The following CENPC variants were observed in gnomAD, a reference collection of about 807,000 sequenced individuals.
CENPC encodes the protein centromere protein C.
In CENPC, 63 loss-of-function variants were observed where a neutral mutation model predicts 112.1. The ratio of observed to expected loss-of-function variants is 0.56; its 90% CI spans 0.46 to 0.69. The LOEUF is 0.69. Among genes scored for constraint, CENPC ranks in the 30% least tolerant of loss-of-function variants. The pLI is 0.00. For missense variants in CENPC, 1,000 were observed against 1,103.8 expected (o/e 0.91, Z 1.33); for synonymous variants, 333 against 367.6 (o/e 0.91, Z 1.08).
At position 67,489,961 on chromosome 4, in the gene CENPC, A is replaced by C. The variant is rs1343320342; in HGVS notation, c.2670+6T>G. 2.0e-6 allele frequency: 3 copies of C among 1,527,108 alleles called. No individual in the cohort carries two copies. Among genetic ancestry groups the C allele is most frequent in the Non-Finnish European group, 2.6e-6 (3 of 1,141,660 alleles). The allele number at this position is 1,527,108 out of a possible 1,614,324, so 94.6% of individuals were successfully genotyped here. A position where few individuals can be genotyped will look rare whatever the true frequency, so the allele number is the denominator to read the frequency against. On this transcript the variant is annotated splice_donor_region_variant and intron_variant, in intron 17 of 18. Transcript: ENST00000273853. ...TGAAACATAAATATATAAAAAAAGTACTCACCAATATATCCTGGCCAACAT... is the reference window on the plus strand; with the variant it reads ...TGAAACATAAATATATAAAAAAAGTCCTCACCAATATATCCTGGCCAACAT...
intron 2 of CENPC, among the ~76,000 whole-genome samples, chr4:67,543,405 TCAACAA>T (rs1010720232): frequency 6.6e-6 from 1 of 152,174 alleles, no homozygotes; most frequent in Non-Finnish European, 1.5e-5. Flanking sequence ...TTTCTTAATA[TCAACAA>T]CACACAAATC....
chr4:67,491,525 A>AGAGAGAGCGAGC (rs1553893257), intron 16 of CENPC, among the ~76,000 whole-genome samples: 1 of 130,044 alleles, frequency 7.7e-6, no homozygotes, highest in East Asian at 2.1e-4. Context: ...AGAGAGAGAG[A>AGAGAGAGCGAGC]GAGCCTGGTT....
At chr4:67,515,344 T>C (rs994800803) in intron 7 of CENPC, among the ~76,000 whole-genome samples, 5 of 151,710 alleles carry the variant, frequency 3.3e-5, no homozygotes, top group African/African-American at 1.2e-4. Context: ...CGGGTGCCTG[T>C]AATCCCAGCT....
Position 67,518,233 on chromosome 4 carries a change from T to C in CENPC, c.753A>G (p.Glu251=). The part of the protein sequence containing the change: ...GSSQNRIRDS[E]YEIQRQAKKS... ...TTTTAGCTTGTCGTTGAATTTCATA[T>C]TCTGAATCTCGTATTCTATTCTGAG... The change falls in exon 7 of 19, where the codon GAA becomes GAG. Residue 251 remains glutamate, a synonymous_variant. Transcript: ENST00000273853. The C allele has an allele frequency of 6.4e-7, 1 of 1,559,446 alleles. No individual in the cohort carries two copies. The highest frequency in any genetic ancestry group is 2.3e-5 in the East Asian group (1 of 42,920).
At chr4:67,505,431 A>G in intron 11 of CENPC, 147 bp from the exon 12 acceptor site, 2 of 614,136 alleles carry the variant, frequency 3.3e-6, no homozygotes, top group Non-Finnish European at 2.9e-6. Flanking sequence ...AAAAATATAT[A>G]GTCATCCCTC....
At chr4:67,487,664 ATTC>A (rs1725129871) in intron 17 of CENPC, among the ~76,000 whole-genome samples, 1 of 151,524 alleles carries the variant, frequency 6.6e-6, no homozygotes, top group Non-Finnish European at 1.5e-5. Context: ...CTCTCCTGAA[ATTC>A]TTATTATTTG....
chr4:67,535,345 A>T lies in CENPC; in HGVS notation c.232-4431T>A, dbSNP rs1726685330. On this transcript the variant is annotated intron_variant, in intron 4 of 18. Transcript: ENST00000273853. The stretch of plus-strand genomic sequence containing the variant: ...AAGGAAGATTTCAGATCCAAGAAAT[A>T]AGAGTTGCAATTCAGGAGAAAAGCA... Among the ~76,000 whole-genome samples the T allele has an allele frequency of 2.0e-5, 3 of 152,102 alleles. No homozygotes were observed. In the South Asian group the frequency reaches 6.2e-4, roughly 32 times the overall value.
At chr4:67,491,891 G>A (rs1725292819) in intron 16 of CENPC, among the ~76,000 whole-genome samples, 1 of 151,988 alleles carries the variant, frequency 6.6e-6, no homozygotes, top group South Asian at 2.1e-4. Flanking sequence ...TGTCCTCCTG[G>A]TCAAAGAAGG....
chr4:67,487,780 A>G (rs952800422), intron 17 of CENPC, among the ~76,000 whole-genome samples: 2 of 151,598 alleles, frequency 1.3e-5, no homozygotes, highest in Admixed American at 6.6e-5. Flanking sequence ...ACCAGCTCTC[A>G]TAATTAATAT....
rs375299160 is a variant in CENPC, at chr4:67,514,631, G to A, written c.887C>T (p.Thr296Met). 9.3e-6 allele frequency: 15 copies of A among 1,607,376 alleles called. No individual in the cohort carries two copies. Among genetic ancestry groups the A allele is most frequent in the African/African-American group, 5.4e-5 (4 of 74,750 alleles). The change falls in exon 8 of 19, where the codon ACG becomes ATG. Residue 296 changes from threonine to methionine, a missense_variant. Physicochemically the swap from Thr to Met is moderately conservative, Grantham distance 81 (BLOSUM62 -1). Coordinates refer to ENST00000273853, the MANE Select transcript of CENPC (RefSeq NM_001812.4). ...APPHSCPPDD[T>M]KLIEDEFIID... is the part of the protein sequence containing the mutation. ...TATAAATTCATCCTCTATCAACTTCGTATCATCGGGAGGACACGAATGAGG... is the reference window on the plus strand; with the variant it reads ...TATAAATTCATCCTCTATCAACTTCATATCATCGGGAGGACACGAATGAGG...
intron 15 of CENPC, 140 bp from the exon 16 acceptor site, chr4:67,492,415 T>C: frequency 1.8e-6 from 1 of 547,862 alleles, no homozygotes; most frequent in East Asian, 3.0e-5. Flanking sequence ...TATAAATCAC[T>C]CTGATAAACA....
intron 5 of CENPC, among the ~76,000 whole-genome samples, chr4:67,529,766 G>A (rs1362196718): frequency 6.6e-6 from 1 of 152,048 alleles, no homozygotes; most frequent in Non-Finnish European, 1.5e-5. Context: ...ATTTGGAATT[G>A]GATAAAACTA....
At chr4:67,487,396 G>C (rs1342648823) in intron 17 of CENPC, among the ~76,000 whole-genome samples, 2 of 151,574 alleles carry the variant, frequency 1.3e-5, no homozygotes, top group African/African-American at 4.9e-5. Context: ...AGTTATTCTT[G>C]TTAATACTCA....
chr4:67,483,810 G>C (rs1051482983), intron 17 of CENPC, among the ~76,000 whole-genome samples: 3 of 152,018 alleles, frequency 2.0e-5, no homozygotes, highest in Non-Finnish European at 4.4e-5. Flanking sequence ...AAAGCTTATA[G>C]AATAAGGAAA....
rs33944071 is a variant in CENPC, at chr4:67,489,197, T to TACACACACACAC, written c.2670+758_2670+769dup. Reference sequence around the variant, plus strand: ...ATATATAAAATATTCCTGTTATACATACACACACACACACACACACACACA... The same window carrying TACACACACACAC: ...ATATATAAAATATTCCTGTTATACATACACACACACACACACACACACACACACACACACACA... On this transcript the variant is annotated intron_variant, in intron 17 of 18. Transcript: ENST00000273853. Among the ~76,000 whole-genome samples the TACACACACACAC allele has an allele frequency of 4.7e-5, 7 of 148,472 alleles. No homozygotes were observed. The East Asian group carries it at 1.4e-3, about 29-fold the overall frequency.
chr4:67,475,594 A>G (rs1027457121), intron 17 of CENPC, among the ~76,000 whole-genome samples: 1 of 152,110 alleles, frequency 6.6e-6, no homozygotes, highest in Admixed American at 6.5e-5. Flanking sequence ...TAGATAATAC[A>G]AGAGTATTGT....
Position 67,530,876 on chromosome 4 carries a change from T to C in CENPC, c.270A>G (p.Ser90=), listed in dbSNP as rs1726529415. 1 of 1,604,990 alleles carries C rather than the reference T, an allele frequency of 6.2e-7. No individual in the cohort carries two copies. The change falls in exon 5 of 19, where the codon TCA becomes TCG. Residue 90 remains serine (S), a synonymous_variant. Transcript: ENST00000273853. ...KSHPKSVPVS[S]KKKEASLQFV... ...ACTGTAGAGAGGCTTCTTTCTTCTTTGAAGAAACTGGAACTGACTTTGGAT... is the reference window on the plus strand; with the variant it reads ...ACTGTAGAGAGGCTTCTTTCTTCTTCGAAGAAACTGGAACTGACTTTGGAT...
At chr4:67,483,755 T>TACTTTTTAACAAAAA (rs1379923149) in intron 17 of CENPC, among the ~76,000 whole-genome samples, 1 of 145,776 alleles carries the variant, frequency 6.9e-6, no homozygotes, top group Non-Finnish European at 1.5e-5. Context: ...GTTTGTGTCT[T>TACTTTTTAACAAAAA]ACTTTTTAAC....
chr4:67,493,263 TAA>T (rs769090878), intron 14 of CENPC: 499 of 153,060 alleles, frequency 3.3e-3, no homozygotes, highest in South Asian at 6.9e-3. Flanking sequence ...TGGAGGCTTT[TAA>T]AAAAAAAAAA....
Sources: gnomAD v4.1 joint callset for allele counts (sites outside exome capture counted in the v4.1 genomes callset) on GRCh38, gnomAD v4.1.1 for gene constraint, MANE v1.5 for transcripts, NCBI Gene and HGNC (gene_info 2026-07-23, HGNC 2026-07-21) for gene names.